The following VWDE variants were observed in gnomAD, a reference collection of about 807,000 sequenced individuals.
VWDE encodes the protein von Willebrand factor D and EGF domains, also known as von Willebrand factor D and EGF domain-containing protein.
VWDE carries 207 observed loss-of-function variants against 178.4 expected under a neutral mutation model. That is an observed-to-expected ratio of 1.16 (90% confidence interval 1.04 to 1.30). The LOEUF is 1.30. Among genes scored for constraint, VWDE ranks in the 50% most tolerant of loss-of-function variants. The pLI, the probability that VWDE is intolerant of heterozygous loss-of-function variation, is 0.00. For missense variants in VWDE, 2,287 were observed against 1,901.3 expected, an observed-to-expected ratio of 1.20 and a Z score of -3.77; for synonymous variants, 738 against 651.4, an observed-to-expected ratio of 1.13 and a Z score of -2.02.
chr7:12,374,933 G>T, intron 8 of VWDE, 77 bp downstream of exon 8: 2 of 1,397,052 alleles, frequency 1.4e-6, no homozygotes, highest in Non-Finnish European at 1.9e-6. Context: ...TACATAAAAA[G>T]TTTATAAGAC....
At chr7:12,382,074 T>C (rs1783879424) in intron 4 of VWDE, among the ~76,000 whole-genome samples, 1 of 151,906 alleles carries the variant, frequency 6.6e-6, no homozygotes, top group Admixed American at 6.6e-5. Flanking sequence ...TTAGTATGTA[T>C]TAAATATATT....
intron 2 of VWDE, among the ~76,000 whole-genome samples, chr7:12,390,164 CAAA>C (rs200320227): frequency 1.9e-5 from 2 of 105,728 alleles, no homozygotes; most frequent in African/African-American, 3.7e-5. Flanking sequence ...GACTCCATCT[CAAA>C]AAAAAAAAAA....
At chr7:12,335,408 C>T (rs537051280) in intron 27 of VWDE, among the ~76,000 whole-genome samples, 6 of 151,894 alleles carry the variant, frequency 4.0e-5, no homozygotes, top group African/African-American at 7.2e-5. Context: ...AAAAAGCAAC[C>T]GAAATTAATT....
intron 2 of VWDE, among the ~76,000 whole-genome samples, chr7:12,389,787 T>C (rs531151594): frequency 6.6e-6 from 1 of 152,330 alleles, no homozygotes; most frequent in African/African-American, 2.4e-5. Flanking sequence ...AGTTAATGCA[T>C]AGTTCAGGAG....
rs973982697 is a variant in VWDE at position 12,390,148 on chromosome 7, G to A, written c.244-790C>T. ...CCACTGCACTCCAGCCTGGGCGACA[G>A]AGCGAGACTCCATCTCAAAAAAAAA... On this transcript the variant is annotated intron_variant, in intron 2 of 28. Coordinates refer to ENST00000275358, the MANE Select transcript of VWDE (RefSeq NM_001135924.3). 2.0e-5 allele frequency among the ~76,000 whole-genome samples: 3 copies of A among 147,562 alleles called. No homozygotes were observed. In the East Asian group the frequency reaches 6.0e-4, roughly 30 times the overall value.
chr7:12,374,424 A>C lies in VWDE; in HGVS notation c.1316+265T>G, dbSNP rs201612574. On this transcript the variant is annotated intron_variant, in intron 9 of 28. Transcript: ENST00000275358. Reference sequence around the variant, plus strand: ...TCATTATTAAAAATTTAAAGAGTCTAGCAAAAAAGATTCTCTGCATTTGTA... The same window carrying C: ...TCATTATTAAAAATTTAAAGAGTCTCGCAAAAAAGATTCTCTGCATTTGTA... Among the ~76,000 whole-genome samples the C allele has an allele frequency of 2.6e-5, 4 of 152,092 alleles. No individual in the cohort carries two copies. The East Asian group carries it at 7.7e-4, about 29-fold the overall frequency.
At chr7:12,383,429 T>C in intron 4 of VWDE, 107 bp downstream of exon 4, 2 of 907,682 alleles carry the variant, frequency 2.2e-6, no homozygotes, top group Non-Finnish European at 3.4e-6. Flanking sequence ...ACTTTGGTTA[T>C]ATCAAATATC....
At chr7:12,345,144 A>G (rs542794616) in intron 19 of VWDE, among the ~76,000 whole-genome samples, 1 of 152,180 alleles carries the variant, frequency 6.6e-6, no homozygotes, top group African/African-American at 2.4e-5. Flanking sequence ...ATATATTTGT[A>G]ATATATATTA....
chr7:12,343,305 C>T, intron 21 of VWDE, 127 bp from the exon 22 acceptor site: 1 of 581,310 alleles, frequency 1.7e-6, no homozygotes, highest in Non-Finnish European at 2.9e-6. Flanking sequence ...CTCTCTTTTA[C>T]TACAAAACTT....
intron 23 of VWDE, 61 bp from the exon 24 acceptor site, chr7:12,340,478 G>T (rs1781269123): frequency 1.7e-6 from 2 of 1,190,178 alleles, no homozygotes; most frequent in Non-Finnish European, 1.2e-6. Flanking sequence ...AATGAAAGCT[G>T]CACAGAAGTG....
At chr7:12,390,342 C>T (rs1271017986) in intron 2 of VWDE, among the ~76,000 whole-genome samples, 1 of 152,000 alleles carries the variant, frequency 6.6e-6, no homozygotes, top group African/African-American at 2.4e-5. Flanking sequence ...GGACAAGGCA[C>T]TCAACATCCT....
Position 12,359,598 on chromosome 7 carries a change from A to T in VWDE, c.3254T>A (p.Phe1085Tyr). 6.5e-7 allele frequency: 1 copy of T among 1,549,606 alleles called. No homozygotes were observed. The highest frequency in any genetic ancestry group is 1.2e-5 in the South Asian group (1 of 83,924). Residue 1085 changes from phenylalanine to tyrosine, a missense_variant, in exon 16 of 29, where the codon TTT becomes TAT. Phe to Tyr is a conservative substitution (Grantham distance 22, BLOSUM62 3). Coordinates refer to ENST00000275358, the MANE Select transcript of VWDE (RefSeq NM_001135924.3). ...CTTACTTTCTAAAAATGACCAAGTA[A>T]ATCTTGAAATTTTGGGTCTACAAAT... ...CLICRPKISRFTWSFLENNQP... is the reference protein window; with the variant it reads ...CLICRPKISRYTWSFLENNQP...
chr7:12,353,515 C>G (rs1039513061), intron 18 of VWDE, among the ~76,000 whole-genome samples: 1 of 152,186 alleles, frequency 6.6e-6, no homozygotes, highest in African/African-American at 2.4e-5. Context: ...ATCTCTTTCT[C>G]TCATCATGCT....
chr7:12,348,904 T>C (rs1401545731), intron 19 of VWDE, among the ~76,000 whole-genome samples: 1 of 151,760 alleles, frequency 6.6e-6, no homozygotes, highest in Non-Finnish European at 1.5e-5. Context: ...CCATAAAAAA[T>C]GATGAGTTCA....
intron 16 of VWDE, 56 bp from the exon 17 acceptor site, chr7:12,357,571 A>G: frequency 1.3e-6 from 2 of 1,525,508 alleles, no homozygotes; most frequent in Middle Eastern, 1.7e-4. Context: ...AATGAAGTGT[A>G]CTTCTGAGAG....
chr7:12,380,589 C>T lies in VWDE; in HGVS notation c.686G>A (p.Arg229Lys), dbSNP rs907845942. The T allele has an allele frequency of 4.5e-6, 7 of 1,552,116 alleles. No homozygotes were observed. Among genetic ancestry groups the T allele is most frequent in the Non-Finnish European group, 5.2e-6 (6 of 1,147,140 alleles). Residue 229 changes from arginine (R) to lysine (K), a missense_variant, in exon 5 of 29, where the codon AGG (arginine) becomes AAG (lysine). Transcript: ENST00000275358. ...NSVGFHIAWS[R>K]LSSQEVKEEL... ...CTCTTTGACTTCTTGAGAAGAAAGC[C>T]TAGACCAAGCTATGTGAAATCCCAC...
intron 19 of VWDE, among the ~76,000 whole-genome samples, chr7:12,351,325 A>G (rs984212318): frequency 1.8e-4 from 27 of 152,260 alleles, no homozygotes; most frequent in African/African-American, 6.3e-4. Flanking sequence ...CCTTCCAACC[A>G]TAAGCTTCTC....
chr7:12,348,187 C>G (rs10441010), intron 19 of VWDE, among the ~76,000 whole-genome samples: 35,430 of 129,032 alleles, frequency 0.27, 5,569 homozygotes, highest in African/African-American at 0.51. Context: ...GTCTAAAACA[C>G]CAAAAGCAAT....
chr7:12,357,220 A>C (rs1782296765), intron 17 of VWDE, 45 bp downstream of exon 17: 2 of 1,531,946 alleles, frequency 1.3e-6, no homozygotes, highest in African/African-American at 2.8e-5. Context: ...AAGTTGTTAA[A>C]ATTGCAAAAG....
Sources: gnomAD v4.1 joint callset for allele counts (sites outside exome capture counted in the v4.1 genomes callset) on GRCh38, gnomAD v4.1.1 for gene constraint, MANE v1.5 for transcripts, NCBI Gene and HGNC (gene_info 2026-07-23, HGNC 2026-07-21) for gene names.